Variants in CCDC171 observed in about 807,000 individuals in gnomAD.
CCDC171 encodes coiled-coil domain-containing protein 171.
In CCDC171, 177 loss-of-function variants were observed where a neutral mutation model predicts 168.2. That is an observed-to-expected ratio of 1.05 (90% CI 0.93 to 1.19). The LOEUF is 1.19. Among genes scored for constraint, CCDC171 ranks in the 50% most tolerant of loss-of-function variants. The pLI, the probability that CCDC171 is intolerant of heterozygous loss-of-function variation, is 0.00. For synonymous variants in CCDC171, 687 were observed against 540.8 expected (o/e 1.27, Z -3.75); for missense variants, 1,991 against 1,539.0 (o/e 1.29, Z -4.91).
At chr9:15,590,897 C>G (rs1473373451) in intron 4 of CCDC171, among the ~76,000 whole-genome samples, 1 of 143,624 alleles carries the variant, frequency 7.0e-6, no homozygotes, top group East Asian at 2.1e-4. Flanking sequence ...TCTTTTAAAT[C>G]TGAGAGGAGG....
chr9:15,815,291 A>G (rs2059523504), intron 21 of CCDC171, among the ~76,000 whole-genome samples: 1 of 152,056 alleles, frequency 6.6e-6, no homozygotes, highest in Non-Finnish European at 1.5e-5. Context: ...CTCATTTTTA[A>G]TAGAATGTGA....
intron 23 of CCDC171, among the ~76,000 whole-genome samples, chr9:15,849,761 C>A (rs2061048455): frequency 6.6e-6 from 1 of 151,708 alleles, no homozygotes; most frequent in African/African-American, 2.4e-5. Flanking sequence ...CCTTGTGAAT[C>A]AATTTTTTAT....
chr9:15,934,402 AAAAG>A (rs1400915257), intron 25 of CCDC171, among the ~76,000 whole-genome samples: 96 of 151,116 alleles, frequency 6.4e-4, no homozygotes, highest in African/African-American at 2.1e-3. Context: ...AAAAAAAAAA[AAAAG>A]AAAAGAAAAG....
intron 23 of CCDC171, among the ~76,000 whole-genome samples, chr9:15,870,785 G>A (rs2062002678): frequency 1.1e-5 from 1 of 92,114 alleles, no homozygotes; most frequent in Non-Finnish European, 2.6e-5. Flanking sequence ...ATATCTAGCA[G>A]AAATAGCTTT....
intron 6 of CCDC171, among the ~76,000 whole-genome samples, chr9:15,621,558 CATAAGA>C (rs373485500): frequency 2.6e-5 from 4 of 151,962 alleles, no homozygotes; most frequent in African/African-American, 9.7e-5. Context: ...TAAGGGGATT[CATAAGA>C]ATAAGAATAA....
In CCDC171 at chr9:15,695,255, C is replaced by T; in HGVS notation, c.1236C>T (p.Phe412=). ...AAAAGGCTAAGAAGCACCAGGCCTT[C>T]CTAGTAGAGACATGTGAAAATAACG... ...ELVMAKKHQA[F]LVETCENNVK... Residue 412 remains phenylalanine (F), a synonymous_variant, in exon 11 of 26, where the codon TTC becomes TTT. Transcript: ENST00000380701. 6.2e-7 allele frequency: 1 copy of T among 1,613,928 alleles called. No individual in the cohort carries two copies. The highest frequency in any genetic ancestry group is 8.5e-7 in the Non-Finnish European group (1 of 1,179,826).
chr9:16,021,524 G>A (rs977670007), intron 4 of CCDC171, among the ~76,000 whole-genome samples: 3 of 152,216 alleles, frequency 2.0e-5, no homozygotes, highest in Admixed American at 1.3e-4. Flanking sequence ...GGATTTGGGA[G>A]CTGGCTGAGG....
intron 21 of CCDC171, among the ~76,000 whole-genome samples, chr9:15,836,659 T>A (rs1434036128): frequency 6.6e-6 from 1 of 152,192 alleles, no homozygotes; most frequent in Non-Finnish European, 1.5e-5. Context: ...CCGGTCTTGT[T>A]TTAAAGGTGT....
At chr9:16,007,120 C>T (rs1202600571) in intron 3 of CCDC171, among the ~76,000 whole-genome samples, 1 of 152,196 alleles carries the variant, frequency 6.6e-6, no homozygotes, top group Non-Finnish European at 1.5e-5. Flanking sequence ...TAATGATCGC[C>T]TTTCTAACTG....
intron 3 of CCDC171, among the ~76,000 whole-genome samples, chr9:15,987,337 G>A (rs1832023126): frequency 6.6e-6 from 1 of 152,042 alleles, no homozygotes; most frequent in Non-Finnish European, 1.5e-5. Flanking sequence ...GATTACCTGG[G>A]TGACAAAATC....
At chr9:15,575,307 C>G (rs756737686) in intron 3 of CCDC171, among the ~76,000 whole-genome samples, 1 of 151,762 alleles carries the variant, frequency 6.6e-6, no homozygotes, top group African/African-American at 2.4e-5. Context: ...GGAGCTGGGA[C>G]TACAGGCACG....
chr9:15,849,845 A>G (rs951058108), intron 23 of CCDC171, among the ~76,000 whole-genome samples: 1 of 151,892 alleles, frequency 6.6e-6, no homozygotes, highest in Non-Finnish European at 1.5e-5. Context: ...TAAAATTAGC[A>G]AACTAATAGT....
At chr9:15,913,275 G>C (rs528823472) in intron 24 of CCDC171, among the ~76,000 whole-genome samples, 1 of 152,168 alleles carries the variant, frequency 6.6e-6, no homozygotes. Context: ...ATGTGTCCAG[G>C]AATTTATCCA....
At chr9:15,579,072 T>A in intron 4 of CCDC171, 49 bp downstream of exon 4, 1 of 1,441,274 alleles carries the variant, frequency 6.9e-7, no homozygotes, top group South Asian at 1.2e-5. Context: ...AACCTGATTG[T>A]ATATCACTCC....
chr9:15,673,533 G>GT (rs1481476970), intron 9 of CCDC171, among the ~76,000 whole-genome samples: 1 of 152,124 alleles, frequency 6.6e-6, no homozygotes, highest in African/African-American at 2.4e-5. Flanking sequence ...TCAATACCTA[G>GT]TTCATTGAGA....
intron 21 of CCDC171, among the ~76,000 whole-genome samples, chr9:15,788,523 ATGATTTATAATC>A (rs2058084898): frequency 6.6e-6 from 1 of 151,712 alleles, no homozygotes; most frequent in Non-Finnish European, 1.5e-5. Flanking sequence ...CAAGCTATCT[ATGATTTATAATC>A]TGAAAGCAAT....
chr9:15,750,686 T>G (rs541886535), intron 18 of CCDC171, among the ~76,000 whole-genome samples: 1 of 152,282 alleles, frequency 6.6e-6, no homozygotes, highest in African/African-American at 2.4e-5. Context: ...ACCACATGAT[T>G]ATCTCAATGG....
At chr9:15,578,391 T>A (rs2040841657) in intron 3 of CCDC171, among the ~76,000 whole-genome samples, 1 of 149,130 alleles carries the variant, frequency 6.7e-6, no homozygotes, top group Admixed American at 6.7e-5. Context: ...CACACCACCA[T>A]GCCTGGTTAA....
intron 7 of CCDC171, among the ~76,000 whole-genome samples, chr9:15,641,377 C>G (rs1437179114): frequency 6.6e-6 from 1 of 152,102 alleles, no homozygotes; most frequent in Non-Finnish European, 1.5e-5. Flanking sequence ...AGTTCAAATC[C>G]TCTAAGCTGA....
Sources: gnomAD v4.1 joint callset for allele counts (sites outside exome capture counted in the v4.1 genomes callset) on GRCh38, gnomAD v4.1.1 for gene constraint, MANE v1.5 for transcripts, NCBI Gene and HGNC (gene_info 2026-07-23, HGNC 2026-07-21) for gene names.